CSGALNACT1: variants seen among roughly 807,000 people sequenced by gnomAD.
The protein encoded by CSGALNACT1 is chondroitin sulfate N-acetylgalactosaminyltransferase 1.
CSGALNACT1 carries 52 observed loss-of-function variants against 51.0 expected under a neutral mutation model. The ratio of observed to expected loss-of-function variants is 1.02; its 90% CI spans 0.82 to 1.29. The LOEUF (loss-of-function observed/expected upper bound fraction) is 1.29. Among genes scored for constraint, CSGALNACT1 ranks in the 50% most tolerant of loss-of-function variants. The pLI, the probability that CSGALNACT1 is intolerant of heterozygous loss-of-function variation, is 0.00. For synonymous variants in CSGALNACT1, 341 were observed against 254.4 expected, an observed-to-expected ratio of 1.34 and a Z score of -3.24; for missense variants, 935 against 679.2, an observed-to-expected ratio of 1.38 and a Z score of -4.19.
At chr8:19,615,359 G>C (rs1353507960) in intron 1 of CSGALNACT1, among the ~76,000 whole-genome samples, 4 of 152,180 alleles carry the variant, frequency 2.6e-5, no homozygotes, top group African/African-American at 7.2e-5. Flanking sequence ...CTTCCAAGTG[G>C]CGTCCTGGGA....
chr8:19,521,404 C>A (rs1054552408), intron 3 of CSGALNACT1, among the ~76,000 whole-genome samples: 1 of 152,210 alleles, frequency 6.6e-6, no homozygotes, highest in Admixed American at 6.5e-5. Flanking sequence ...GCCCAGGGGG[C>A]CGGCACGGTG....
chr8:19,686,751 C>A (rs2061000420), upstream of CSGALNACT1, among the ~76,000 whole-genome samples: 1 of 152,186 alleles, frequency 6.6e-6, no homozygotes, highest in Non-Finnish European at 1.5e-5. Flanking sequence ...AGAAATTTAA[C>A]AACCTCAGAA....
At chr8:19,410,728 TA>T (rs2055497929) in intron 8 of CSGALNACT1, among the ~76,000 whole-genome samples, 1 of 152,212 alleles carries the variant, frequency 6.6e-6, no homozygotes, top group Non-Finnish European at 1.5e-5. Context: ...GTGAGTTGTG[TA>T]AACATTTATT....
At chr8:19,511,742 C>T (rs142886835) in intron 3 of CSGALNACT1, among the ~76,000 whole-genome samples, 283 of 152,202 alleles carry the variant, frequency 1.9e-3, no homozygotes, top group African/African-American at 6.6e-3. Context: ...GAAGAACTAC[C>T]TGAGACTGGG....
intron 1 of CSGALNACT1, among the ~76,000 whole-genome samples, chr8:19,672,908 G>A (rs1386888458): frequency 1.3e-5 from 2 of 152,224 alleles, no homozygotes; most frequent in African/African-American, 2.4e-5. Flanking sequence ...TCATGCTACT[G>A]AGTGATTAGA....
chr8:19,538,752 C>T (rs2084374586), intron 3 of CSGALNACT1, among the ~76,000 whole-genome samples: 1 of 152,098 alleles, frequency 6.6e-6, no homozygotes, highest in Non-Finnish European at 1.5e-5. Context: ...GATTTGTGGA[C>T]TTCACTCTGC....
chr8:19,405,543 C>T (rs535176268), exon 10 of CSGALNACT1: 18 of 667,780 alleles, frequency 2.7e-5, no homozygotes, highest in South Asian at 2.6e-4. Flanking sequence ...ATCTCACAAG[C>T]ATTCTGCCTT....
intron 3 of CSGALNACT1, among the ~76,000 whole-genome samples, chr8:19,543,563 C>T (rs1563977642): frequency 6.6e-6 from 1 of 152,190 alleles, no homozygotes; most frequent in Non-Finnish European, 1.5e-5. Context: ...AAGTGACTAT[C>T]TTCCTAATAT....
chr8:19,662,316 G>A (rs1487101989), intron 1 of CSGALNACT1, among the ~76,000 whole-genome samples: 1 of 150,630 alleles, frequency 6.6e-6, no homozygotes, highest in East Asian at 2.0e-4. Context: ...CAGAGGCAGA[G>A]GTTGCAGTGA....
At position 19,439,705 on chromosome 8, in the gene CSGALNACT1, A is replaced by G. The variant is rs1712238505; in HGVS notation, c.953+125T>C. On this transcript the variant is annotated intron_variant, in intron 6 of 9. Coordinates refer to ENST00000454498, the Ensembl canonical transcript of CSGALNACT1. Reference sequence around the variant, plus strand: ...GACTTTTCCCTGAACACAGCCAGCAATCAATCCATCCCAGTTCACCCACAG... The same window carrying G: ...GACTTTTCCCTGAACACAGCCAGCAGTCAATCCATCCCAGTTCACCCACAG... The G allele has an allele frequency of 1.4e-5, 11 of 771,128 alleles. No individual in the cohort carries two copies. In the Admixed American group the frequency reaches 2.2e-4, roughly 16 times the overall value. The allele number at this position is 771,128 out of a possible 1,614,324, so 47.8% of individuals were successfully genotyped here.
At chr8:19,678,566 G>C (rs1319630748) in intron 1 of CSGALNACT1, 1 of 152,194 alleles carries the variant, frequency 6.6e-6, no homozygotes, top group South Asian at 2.1e-4. Context: ...ATTAAGCAGA[G>C]AAGAAAGTCC....
At chr8:19,518,730 C>G (rs888462580) in intron 3 of CSGALNACT1, among the ~76,000 whole-genome samples, 2 of 152,068 alleles carry the variant, frequency 1.3e-5, no homozygotes, top group East Asian at 3.9e-4. Flanking sequence ...GGGTATATAC[C>G]CCAGACAATG....
intron 3 of CSGALNACT1, among the ~76,000 whole-genome samples, chr8:19,510,241 G>T (rs113977124): frequency 2.6e-5 from 4 of 152,084 alleles, no homozygotes; most frequent in Non-Finnish European, 5.9e-5. Context: ...ATATCCAAGC[G>T]CAATGCCTTT....
intron 3 of CSGALNACT1, among the ~76,000 whole-genome samples, chr8:19,540,807 T>C (rs1033840608): frequency 1.1e-4 from 17 of 152,296 alleles, no homozygotes; most frequent in African/African-American, 4.1e-4. Flanking sequence ...CGGATCATCT[T>C]TCTCCCTTTG....
chr8:19,597,452 G>A (rs1199632259), intron 2 of CSGALNACT1, among the ~76,000 whole-genome samples: 2 of 151,700 alleles, frequency 1.3e-5, no homozygotes, highest in Admixed American at 1.3e-4. Context: ...GAGCCACCAA[G>A]CCTAGCTAAT....
At chr8:19,508,334 T>C (rs1298130160) in intron 3 of CSGALNACT1, among the ~76,000 whole-genome samples, 1 of 152,250 alleles carries the variant, frequency 6.6e-6, no homozygotes, top group Non-Finnish European at 1.5e-5. Context: ...CAAAATAGTT[T>C]ATTTCTCAAC....
At chr8:19,684,343 A>G (rs1398432704), upstream of CSGALNACT1, among the ~76,000 whole-genome samples, 1 of 152,218 alleles carries the variant, frequency 6.6e-6, no homozygotes, top group African/African-American at 2.4e-5. Flanking sequence ...AAGGTATTGA[A>G]GCAACGGGTT....
At chr8:19,477,332 A>G (rs951522078) in intron 4 of CSGALNACT1, among the ~76,000 whole-genome samples, 1 of 152,182 alleles carries the variant, frequency 6.6e-6, no homozygotes, top group Non-Finnish European at 1.5e-5. Context: ...TGGGTCCACT[A>G]AACACGTGGA....
At chr8:19,602,636 C>T (rs1227481832), upstream of CSGALNACT1, 1 of 152,308 alleles carries the variant, frequency 6.6e-6, no homozygotes, top group Non-Finnish European at 1.5e-5. Context: ...GTGAAGCCCC[C>T]AGACCTGCCC....
Sources: allele counts gnomAD v4.1 joint callset (sites outside exome capture counted in the v4.1 genomes callset), GRCh38; gene constraint gnomAD v4.1.1; transcripts MANE v1.5; gene names NCBI Gene and HGNC (gene_info 2026-07-23, HGNC 2026-07-21).